Variants in MYLK observed in about 807,000 individuals in gnomAD.
MYLK encodes the protein myosin light chain kinase.
Under a neutral mutation model 203.4 loss-of-function variants are expected in MYLK, and 106 were observed. The observed-to-expected ratio is 0.52, with a 90% CI of 0.45 to 0.61. The LOEUF (loss-of-function observed/expected upper bound fraction) is 0.61. Among genes scored for constraint, MYLK ranks in the 20% least tolerant of loss-of-function variants. The pLI is 0.00. For synonymous variants in MYLK, 867 were observed against 959.5 expected, an observed-to-expected ratio of 0.90 and a Z score of 1.78; for missense variants, 2,072 against 2,442.3, an observed-to-expected ratio of 0.85 and a Z score of 3.20.
At chr3:123,620,066 C>T (rs1273362975) in intron 32 of MYLK, 141 bp downstream of exon 32, 2 of 792,894 alleles carry the variant, frequency 2.5e-6, no homozygotes, top group Non-Finnish European at 4.3e-6. Flanking sequence ...GTCAGGGCAA[C>T]CCAAAATTAC....
Position 123,793,880 on chromosome 3 carries a change from G to A in MYLK, c.-3-36C>T, listed in dbSNP as rs773421049. The A allele has an allele frequency of 8.1e-6, 13 of 1,612,728 alleles. No individual in the cohort carries two copies. The South Asian group carries it at 1.4e-4, about 18-fold the overall frequency. ...GAAGGAAGAGGACAAGGTCAGATCA[G>A]ACAAAGCACAGCCCTGTCTTCCCTT... On this transcript the variant is annotated intron_variant, in intron 3 of 33. Coordinates refer to ENST00000360304, the MANE Select transcript of MYLK (RefSeq NM_053025.4).
intron 3 of MYLK, among the ~76,000 whole-genome samples, chr3:123,811,148 C>T (rs1015926426): frequency 2.6e-5 from 4 of 152,290 alleles, no homozygotes; most frequent in Non-Finnish European, 4.4e-5. Flanking sequence ...AACTTCTGCT[C>T]GGAGGTGTCA....
chr3:123,784,582 G>C (rs2064435935), intron 4 of MYLK, among the ~76,000 whole-genome samples: 1 of 151,878 alleles, frequency 6.6e-6, no homozygotes, highest in Non-Finnish European at 1.5e-5. Flanking sequence ...CTTTCGGCTT[G>C]CCAAAACTTA....
rs145524079 is a variant in MYLK, at chr3:123,874,489, A to G, written c.-127+2070T>C. ...TACATCATGTATAAAAATTAACTTAAAATGGATCAGAACTAAATATACAAC... is the reference window on the plus strand; with the variant it reads ...TACATCATGTATAAAAATTAACTTAGAATGGATCAGAACTAAATATACAAC... On this transcript the variant is annotated intron_variant, in intron 2 of 33. Coordinates refer to ENST00000360304, the MANE Select transcript of MYLK (RefSeq NM_053025.4). Among the ~76,000 whole-genome samples the G allele has an allele frequency of 9.3e-4, 141 of 152,296 alleles. 1 individual carries two copies. The highest frequency in any genetic ancestry group is 3.2e-3 in the African/African-American group (135 of 41,590).
intron 2 of MYLK, among the ~76,000 whole-genome samples, chr3:123,864,314 T>C (rs938434425): frequency 2.6e-5 from 4 of 152,206 alleles, no homozygotes; most frequent in Non-Finnish European, 5.9e-5. Flanking sequence ...ATGGTATGCT[T>C]AAGATTTGTT....
In MYLK at chr3:123,841,777, A is replaced by G. The variant is rs1577106452; in HGVS notation, c.-126-10107T>C. On this transcript the variant is annotated intron_variant, in intron 2 of 33. Transcript: ENST00000360304. The stretch of plus-strand genomic sequence containing the variant: ...ACACCACCTACAAGGTCAGAATGCT[A>G]GGGTTTAGAGAGTCTGAGAGTGTCA... 2.6e-5 allele frequency among the ~76,000 whole-genome samples: 4 copies of G among 152,304 alleles called. No homozygotes were observed. The East Asian group carries it at 7.7e-4, about 29-fold the overall frequency.
intron 20 of MYLK, among the ~76,000 whole-genome samples, chr3:123,677,918 T>TAG (rs1273803739): frequency 1.3e-5 from 1 of 78,918 alleles, no homozygotes; most frequent in Non-Finnish European, 2.2e-5. Flanking sequence ...TATATATATA[T>TAG]ACACACACAC....
rs1476121928 is a variant in MYLK at position 123,703,144 on chromosome 3, G to A, written c.2391-1635C>T. 3.3e-5 allele frequency among the ~76,000 whole-genome samples: 5 copies of A among 152,286 alleles called. No individual in the cohort carries two copies. In the East Asian group the frequency reaches 7.7e-4, roughly 24 times the overall value. On this transcript the variant is annotated intron_variant, in intron 16 of 33. Transcript: ENST00000360304. ...ATGCGTTCTTGTGTATTCTGCTGGC[G>A]TGTGTGGGTCTCCACCTCACTCTGC... is the stretch of plus-strand genomic sequence containing the variant.
At chr3:123,690,928 C>T (rs1354785426) in intron 19 of MYLK, among the ~76,000 whole-genome samples, 2 of 151,908 alleles carry the variant, frequency 1.3e-5, no homozygotes, top group African/African-American at 4.8e-5. Context: ...TCTGGGCAAA[C>T]AAAGCCTTTT....
At chr3:123,649,833 A>G (rs1333531485) in intron 24 of MYLK, among the ~76,000 whole-genome samples, 1 of 152,266 alleles carries the variant, frequency 6.6e-6, no homozygotes, top group African/African-American at 2.4e-5. Context: ...GAGGAGGGTG[A>G]CACAAAATGG....
intron 5 of MYLK, among the ~76,000 whole-genome samples, chr3:123,740,716 C>G (rs965237290): frequency 1.3e-5 from 2 of 152,296 alleles, no homozygotes; most frequent in South Asian, 4.2e-4. Context: ...GGGCAAGGCG[C>G]TGCTATGCTA....
At chr3:123,819,342 C>T (rs781476640) in intron 3 of MYLK, among the ~76,000 whole-genome samples, 8 of 152,210 alleles carry the variant, frequency 5.3e-5, no homozygotes, top group Non-Finnish European at 8.8e-5. Context: ...ATTCTCTCCA[C>T]TGTGTGTGCA....
intron 23 of MYLK, among the ~76,000 whole-genome samples, chr3:123,659,362 C>A (rs1480101462): frequency 6.6e-6 from 1 of 152,150 alleles, no homozygotes; most frequent in Non-Finnish European, 1.5e-5. Context: ...GAAGAGGTGC[C>A]ATTTGTACCC....
intron 20 of MYLK, among the ~76,000 whole-genome samples, chr3:123,672,649 A>G (rs1213543212): frequency 2.0e-5 from 3 of 152,230 alleles, no homozygotes; most frequent in Non-Finnish European, 4.4e-5. Context: ...GCCCTAACTA[A>G]TCTTTCAGTG....
intron 3 of MYLK, among the ~76,000 whole-genome samples, chr3:123,821,948 T>C (rs929484985): frequency 1.3e-5 from 2 of 152,212 alleles, no homozygotes; most frequent in Admixed American, 1.3e-4. Flanking sequence ...TAAGAGGTGA[T>C]TAAGTAATGA....
At chr3:123,710,184 C>T (rs563295808) in intron 13 of MYLK, among the ~76,000 whole-genome samples, 1 of 152,264 alleles carries the variant, frequency 6.6e-6, no homozygotes. Flanking sequence ...ATAAATGATA[C>T]ACTCACATGG....
intron 4 of MYLK, among the ~76,000 whole-genome samples, chr3:123,782,576 A>G (rs2064342188): frequency 6.6e-6 from 1 of 152,186 alleles, no homozygotes; most frequent in African/African-American, 2.4e-5. Context: ...AATGAACCAG[A>G]CCTCAGTGCT....
chr3:123,659,430 T>C (rs1027001060), intron 23 of MYLK, among the ~76,000 whole-genome samples: 2 of 152,246 alleles, frequency 1.3e-5, no homozygotes, highest in African/African-American at 4.8e-5. Context: ...ACATATGTGA[T>C]ACGTAAGACT....
rs1252303904 is a variant in MYLK, at chr3:123,831,545, C to G, written c.-4+3G>C. 1.6e-6 allele frequency: 1 copy of G among 628,504 alleles called. No individual in the cohort carries two copies. Among genetic ancestry groups the G allele is most frequent in the East Asian group, 8.7e-5 (1 of 11,514 alleles). The allele number at this position is 628,504 out of a possible 1,614,324, so 38.9% of individuals were successfully genotyped here. ...CAGCATAATGTAAACTCTGTTCACT[C>G]ACCACCGTCTTCTCTGTTGTTTGTT... On this transcript the variant is annotated splice_donor_region_variant and intron_variant, in intron 3 of 33. Transcript: ENST00000360304.
Sources: gnomAD v4.1 joint callset for allele counts (sites outside exome capture counted in the v4.1 genomes callset) on GRCh38, gnomAD v4.1.1 for gene constraint, MANE v1.5 for transcripts, NCBI Gene and HGNC (gene_info 2026-07-23, HGNC 2026-07-21) for gene names.